Variants in METTL15 observed in about 807,000 individuals in gnomAD.
The protein encoded by METTL15 is methyltransferase 15, mitochondrial 12S rRNA N4-cytidine, also known as 12S rRNA N(4)-cytidine methyltransferase METTL15.
Under a neutral mutation model 38.3 loss-of-function variants are expected in METTL15, and 34 were observed. The ratio of observed to expected loss-of-function variants is 0.89; its 90% confidence interval spans 0.68 to 1.18. METTL15 has a LOEUF of 1.18. METTL15 is among the 50% of genes most tolerant of loss of function. The pLI, the probability that METTL15 is intolerant of heterozygous loss-of-function variation, is 0.00. For synonymous variants in METTL15, 162 were observed against 170.9 expected (o/e 0.95, Z 0.41); for missense variants, 438 against 498.4 (o/e 0.88, Z 1.15).
chr11:28,229,792 C>A (rs1023208747), intron 4 of METTL15, among the ~76,000 whole-genome samples: 3 of 151,988 alleles, frequency 2.0e-5, no homozygotes, highest in African/African-American at 4.8e-5. Context: ...ACTGAGACAG[C>A]GTGTCACAAT....
intron 5 of METTL15, among the ~76,000 whole-genome samples, chr11:28,418,624 G>A (rs1056442973): frequency 2.0e-5 from 3 of 152,138 alleles, no homozygotes; most frequent in Non-Finnish European, 4.4e-5. Flanking sequence ...AAAATCAGAT[G>A]AGCAATCACA....
At chr11:28,531,912 A>G (rs1851845168), downstream of METTL15, among the ~76,000 whole-genome samples, 1 of 152,072 alleles carries the variant, frequency 6.6e-6, no homozygotes, top group Non-Finnish European at 1.5e-5. Flanking sequence ...GTGCCTGTGT[A>G]TATTAACATT....
At chr11:28,252,718 A>G (rs2133925160) in intron 4 of METTL15, among the ~76,000 whole-genome samples, 1 of 152,166 alleles carries the variant, frequency 6.6e-6, no homozygotes, top group Middle Eastern at 3.4e-3. Flanking sequence ...TTAATATCAC[A>G]ACTTCAAAAA....
intron 6 of METTL15, among the ~76,000 whole-genome samples, chr11:28,305,233 G>A (rs996472071): frequency 1.3e-5 from 2 of 152,106 alleles, no homozygotes; most frequent in East Asian, 1.9e-4. Flanking sequence ...GAAAACCTGA[G>A]TAACTTTTCC....
At chr11:28,277,441 T>C (rs1855885796) in intron 4 of METTL15, among the ~76,000 whole-genome samples, 1 of 152,196 alleles carries the variant, frequency 6.6e-6, no homozygotes, top group East Asian at 1.9e-4. Context: ...CTTACACCTG[T>C]AATCCCAGCA....
chr11:28,123,838 A>G (rs1260781368), intron 3 of METTL15: 2 of 1,399,132 alleles, frequency 1.4e-6, no homozygotes, highest in East Asian at 2.6e-5. Context: ...TTCTTTTGTT[A>G]CATGTATTTT....
chr11:28,242,972 T>C (rs1175503590), intron 4 of METTL15, among the ~76,000 whole-genome samples: 1 of 152,046 alleles, frequency 6.6e-6, no homozygotes, highest in Non-Finnish European at 1.5e-5. Context: ...AAGGTGCTAA[T>C]AGAGATTAAA....
chr11:28,114,507 G>A (rs1005522153), intron 3 of METTL15, among the ~76,000 whole-genome samples: 11 of 152,266 alleles, frequency 7.2e-5, no homozygotes, highest in East Asian at 5.8e-4. Context: ...CTGGAGTGCA[G>A]TGGTGTGATC....
At chr11:28,488,196 G>A (rs763217243) in intron 6 of METTL15, among the ~76,000 whole-genome samples, 1 of 152,012 alleles carries the variant, frequency 6.6e-6, no homozygotes, top group Non-Finnish European at 1.5e-5. Flanking sequence ...GCAGTAACAA[G>A]ACCAATTAAA....
Position 28,296,928 on chromosome 11 carries a change from G to T in METTL15, c.775G>T (p.Ala259Ser). 6.2e-7 allele frequency: 1 copy of T among 1,613,356 alleles called. No homozygotes were observed. Residue 259 changes from alanine (A) to serine (S), a missense_variant, in exon 6 of 7, where the codon GCA (alanine) becomes TCA (serine). By Grantham distance (99) the Ala-to-Ser change is moderately conservative (BLOSUM62 1). Coordinates refer to ENST00000407364, the MANE Select transcript of METTL15 (RefSeq NM_001113528.2). ...AACCCAGCAGCTTGCCAGCATCGTT[G>T]CAGGTAGCCTCATTAATTCTCAACA... The part of the protein sequence containing the change: ...TRTQQLASIV[A>S]GAFPPSAIYT...
intron 5 of METTL15, among the ~76,000 whole-genome samples, chr11:28,391,599 A>G (rs1012826106): frequency 1.3e-5 from 2 of 152,190 alleles, no homozygotes; most frequent in African/African-American, 2.4e-5. Flanking sequence ...ACAGCATGGT[A>G]CTGGTACCAA....
chr11:28,345,214 C>T (rs979977455), intron 3 of METTL15, among the ~76,000 whole-genome samples: 2 of 152,108 alleles, frequency 1.3e-5, no homozygotes, highest in African/African-American at 4.8e-5. Flanking sequence ...ATTGAGACAG[C>T]GTCTCACTCT....
intron 4 of METTL15, among the ~76,000 whole-genome samples, chr11:28,270,392 T>TTATA (rs1219164824): frequency 6.6e-6 from 1 of 152,182 alleles, no homozygotes; most frequent in East Asian, 1.9e-4. Flanking sequence ...CTTCGGCATG[T>TTATA]TATAACCTTT....
chr11:28,440,450 A>G (rs1304801267), intron 6 of METTL15, among the ~76,000 whole-genome samples: 1 of 152,222 alleles, frequency 6.6e-6, no homozygotes, highest in Non-Finnish European at 1.5e-5. Flanking sequence ...ATAAGTCTTT[A>G]TATAAATTAA....
chr11:28,205,356 G>GT, intron 3 of METTL15, among the ~76,000 whole-genome samples: 1 of 150,534 alleles, frequency 6.6e-6, no homozygotes, highest in African/African-American at 2.4e-5. Context: ...ACTATGCAGT[G>GT]TTTGTTTTTT....
At chr11:28,273,859 C>G (rs980083179) in intron 4 of METTL15, among the ~76,000 whole-genome samples, 1 of 151,988 alleles carries the variant, frequency 6.6e-6, no homozygotes, top group African/African-American at 2.4e-5. Flanking sequence ...ATTAACTCAA[C>G]AAAAATTAGA....
intron 5 of METTL15, 125 bp from the exon 6 acceptor site, chr11:28,296,628 C>A (rs1856744675): frequency 2.1e-6 from 2 of 962,560 alleles, no homozygotes; most frequent in Admixed American, 2.6e-5. Flanking sequence ...CAGTTTCTGA[C>A]TTTAAAACCT....
chr11:28,324,880 A>C (rs940729089), intron 6 of METTL15, among the ~76,000 whole-genome samples: 2 of 152,188 alleles, frequency 1.3e-5, no homozygotes, highest in African/African-American at 4.8e-5. Context: ...TTTATTTAGC[A>C]GCAGCTCTCA....
chr11:28,206,461 G>T (rs965793710), intron 3 of METTL15, among the ~76,000 whole-genome samples: 1 of 151,996 alleles, frequency 6.6e-6, no homozygotes, highest in Admixed American at 6.6e-5. Flanking sequence ...TGTTCCATTG[G>T]TCTATATCTC....
Sources: gnomAD v4.1 joint callset for allele counts (sites outside exome capture counted in the v4.1 genomes callset) on GRCh38, gnomAD v4.1.1 for gene constraint, MANE v1.5 for transcripts, NCBI Gene and HGNC (gene_info 2026-07-23, HGNC 2026-07-21) for gene names.